Variants in TRAPPC9 observed in about 807,000 individuals in gnomAD.
TRAPPC9 encodes the protein trafficking protein particle complex subunit 9.
Under a neutral mutation model 124.0 loss-of-function variants are expected in TRAPPC9, and 83 were observed. The ratio of observed to expected loss-of-function variants is 0.67; its 90% CI spans 0.56 to 0.80. The LOEUF is 0.80. Among genes scored for constraint, TRAPPC9 ranks in the 30% least tolerant of loss-of-function variants. The probability of loss-of-function intolerance (pLI) is 0.00; values close to 1 mark genes in which losing one functional copy is unlikely to be tolerated. For synonymous variants in TRAPPC9, 638 were observed against 617.5 expected (o/e 1.03, Z -0.49); for missense variants, 1,302 against 1,508.3 (o/e 0.86, Z 2.27).
rs77694318 is a variant in TRAPPC9 at position 140,164,875 on chromosome 8, C to G, written c.2556+56584G>C. On this transcript the variant is annotated intron_variant, in intron 17 of 22. Coordinates refer to ENST00000438773, the MANE Select transcript of TRAPPC9 (RefSeq NM_001160372.4). ...TCCTGCCCATACCTAACTCCTGGCT[C>G]AAGCCCGCATCATCTCTCACCCCCA... Among the ~76,000 whole-genome samples the G allele has an allele frequency of 7.3e-4, 111 of 152,304 alleles. No homozygotes were observed. The Middle Eastern group carries it at 0.01, about 14-fold the overall frequency.
intron 18 of TRAPPC9, among the ~76,000 whole-genome samples, chr8:140,014,349 CTG>C (rs1221006623): frequency 6.6e-6 from 1 of 152,030 alleles, no homozygotes; most frequent in Admixed American, 6.6e-5. Flanking sequence ...CCAGGCAGCT[CTG>C]TGTAAAAAGC....
At chr8:139,978,838 C>T (rs998663572) in intron 19 of TRAPPC9, among the ~76,000 whole-genome samples, 1 of 152,184 alleles carries the variant, frequency 6.6e-6, no homozygotes, top group African/African-American at 2.4e-5. Flanking sequence ...GAAGGCAGGC[C>T]GAGGTCCCAG....
chr8:139,920,674 T>G (rs1353130133), intron 19 of TRAPPC9, among the ~76,000 whole-genome samples: 2 of 152,072 alleles, frequency 1.3e-5, no homozygotes, highest in Admixed American at 1.3e-4. Context: ...AGAACCAGAG[T>G]GTTTCCTTGC....
At chr8:140,158,957 T>A (rs2061700131) in intron 17 of TRAPPC9, among the ~76,000 whole-genome samples, 1 of 152,258 alleles carries the variant, frequency 6.6e-6, no homozygotes, top group African/African-American at 2.4e-5. Flanking sequence ...CCATCATCCA[T>A]CAGCTACTGG....
At position 140,426,534 on chromosome 8, in the gene TRAPPC9, A is replaced by C. The variant is rs2070428870; in HGVS notation, c.886+81T>G. 2.2e-6 allele frequency: 3 copies of C among 1,339,058 alleles called. No homozygotes were observed. The African/African-American group carries it at 4.4e-5, about 19-fold the overall frequency. The allele number at this position is 1,339,058 out of a possible 1,614,324, so 82.9% of individuals were successfully genotyped here. A position where few individuals can be genotyped will look rare whatever the true frequency, so the allele number is the denominator to read the frequency against. ...ATGTTCCAAAGATCATCATCCAGAAATTTTAACCATTCATTCACATCACCA... is the reference window on the plus strand; with the variant it reads ...ATGTTCCAAAGATCATCATCCAGAACTTTTAACCATTCATTCACATCACCA... On this transcript the variant is annotated intron_variant, in intron 5 of 22. Transcript: ENST00000438773.
At chr8:140,133,739 G>A (rs1186522961) in intron 17 of TRAPPC9, among the ~76,000 whole-genome samples, 3 of 152,074 alleles carry the variant, frequency 2.0e-5, no homozygotes, top group Non-Finnish European at 2.9e-5. Context: ...ACAAAAATCT[G>A]TTGTATTTCT....
At chr8:139,878,150 T>G (rs1047811645) in intron 21 of TRAPPC9, among the ~76,000 whole-genome samples, 2 of 152,228 alleles carry the variant, frequency 1.3e-5, no homozygotes, top group African/African-American at 4.8e-5. Context: ...GAACAAGTAT[T>G]AAATTATCTT....
chr8:140,114,575 C>T (rs1021680539), intron 17 of TRAPPC9, among the ~76,000 whole-genome samples: 2 of 152,146 alleles, frequency 1.3e-5, no homozygotes, highest in East Asian at 3.9e-4. Flanking sequence ...AGGAAGGTAT[C>T]ATAATAGGAC....
intron 21 of TRAPPC9, among the ~76,000 whole-genome samples, chr8:139,795,887 T>C (rs565780785): frequency 2.0e-5 from 3 of 152,240 alleles, no homozygotes; most frequent in African/African-American, 7.2e-5. Flanking sequence ...ACAGGGTCAT[T>C]AGCCCACGGT....
intron 15 of TRAPPC9, among the ~76,000 whole-genome samples, chr8:140,267,527 A>T (rs1168017209): frequency 6.6e-6 from 1 of 152,244 alleles, no homozygotes; most frequent in Non-Finnish European, 1.5e-5. Flanking sequence ...TGAAATAAAC[A>T]GACGACCACC....
intron 14 of TRAPPC9, among the ~76,000 whole-genome samples, chr8:140,279,844 G>A (rs4354286): frequency 0.32 from 48,688 of 152,086 alleles, 8,463 homozygotes; most frequent in African/African-American, 0.43. Context: ...AGGGACCTTC[G>A]GGGACACCTT....
intron 21 of TRAPPC9, among the ~76,000 whole-genome samples, chr8:139,855,643 C>A (rs1489126887): frequency 2.0e-5 from 3 of 152,196 alleles, no homozygotes; most frequent in Admixed American, 6.5e-5. Flanking sequence ...CTTATGCGGT[C>A]AGCCCAGGCC....
chr8:139,878,903 T>C (rs1292455204), intron 21 of TRAPPC9, among the ~76,000 whole-genome samples: 1 of 152,250 alleles, frequency 6.6e-6, no homozygotes, highest in African/African-American at 2.4e-5. Flanking sequence ...TGAGCTATGA[T>C]TGCACCACTG....
intron 19 of TRAPPC9, among the ~76,000 whole-genome samples, chr8:139,952,385 A>G (rs1215026219): frequency 2.0e-5 from 3 of 152,210 alleles, no homozygotes; most frequent in Non-Finnish European, 4.4e-5. Flanking sequence ...CAAGTGAGGA[A>G]AGCATGGTGT....
chr8:139,805,182 G>A (rs1043787434), intron 21 of TRAPPC9, among the ~76,000 whole-genome samples: 1 of 152,220 alleles, frequency 6.6e-6, no homozygotes, highest in Admixed American at 6.5e-5. Flanking sequence ...ACCCTGCGGA[G>A]ACCCCCTGGA....
intron 15 of TRAPPC9, among the ~76,000 whole-genome samples, chr8:140,261,924 T>C (rs2064430022): frequency 6.6e-6 from 1 of 152,144 alleles, no homozygotes; most frequent in South Asian, 2.1e-4. Flanking sequence ...GACAAACATT[T>C]AGCATACTAG....
At chr8:140,250,367 T>C (rs1258968643) in intron 16 of TRAPPC9, among the ~76,000 whole-genome samples, 1 of 152,252 alleles carries the variant, frequency 6.6e-6, no homozygotes, top group African/African-American at 2.4e-5. Context: ...TGTGAATTTT[T>C]TAAGCGTCAT....
chr8:140,249,258 C>T (rs894268147), intron 16 of TRAPPC9, among the ~76,000 whole-genome samples: 2 of 152,172 alleles, frequency 1.3e-5, no homozygotes, highest in African/African-American at 2.4e-5. Context: ...ATACCTCCCA[C>T]TTATATGTGA....
chr8:140,264,830 C>T (rs1025674192), intron 15 of TRAPPC9, among the ~76,000 whole-genome samples: 10 of 152,150 alleles, frequency 6.6e-5, no homozygotes, highest in African/African-American at 2.4e-4. Context: ...CTACCCCACC[C>T]ACCCTGTGCT....
Sources: gnomAD v4.1 joint callset for allele counts (sites outside exome capture counted in the v4.1 genomes callset) on GRCh38, gnomAD v4.1.1 for gene constraint, MANE v1.5 for transcripts, NCBI Gene and HGNC (gene_info 2026-07-23, HGNC 2026-07-21) for gene names.